ADGRL2: variants seen among roughly 807,000 people sequenced by gnomAD.
ADGRL2 encodes the protein calcium-independent alpha-latrotoxin receptor 2.
In ADGRL2, 44 loss-of-function variants were observed where a neutral mutation model predicts 157.4. The ratio of observed to expected loss-of-function variants is 0.28; its 90% confidence interval spans 0.22 to 0.36. ADGRL2 has a LOEUF of 0.36. Ranked by LOEUF, ADGRL2 falls within the 10% of genes least tolerant of loss-of-function variation. The pLI is 1.00. For missense variants in ADGRL2, 1,510 were observed against 1,768.9 expected, an observed-to-expected ratio of 0.85 and a Z score of 2.63; for synonymous variants, 585 against 624.7, an observed-to-expected ratio of 0.94 and a Z score of 0.95.
rs1664873652 is a variant in ADGRL2 at position 81,993,081 on chromosome 1, ATATATATTTTTTT to A, written c.*1938_*1950del. ...TACATATATATATATATATATATATATATATATTTTTTTTTTTTTTTTTTTTTTTTTTTTTTTT... is the reference window on the plus strand; with the variant it reads ...TACATATATATATATATATATATATATTTTTTTTTTTTTTTTTTTTTTTTT... On this transcript the variant is annotated 3_prime_UTR_variant, in exon 24 of 24. Coordinates refer to ENST00000686636, the MANE Select transcript of ADGRL2 (RefSeq NM_001366006.2). 3.4e-5 allele frequency among the ~76,000 whole-genome samples: 1 copy of A among 29,152 alleles called. No homozygotes were observed. Among genetic ancestry groups the A allele is most frequent in the Non-Finnish European group, 5.7e-5 (1 of 17,572 alleles). The allele number at this position is 29,152 out of a possible 152,430, so 19.1% of individuals were successfully genotyped here. A position where few individuals can be genotyped will look rare whatever the true frequency, so the allele number is the denominator to read the frequency against.
At chr1:81,907,315 A>G (rs972299747) in intron 3 of ADGRL2, 85 bp downstream of exon 3, 2 of 1,094,424 alleles carry the variant, frequency 1.8e-6, no homozygotes, top group African/African-American at 3.1e-5. Context: ...GCGAATGGAT[A>G]TAGACCACAT....
At chr1:81,730,692 C>T (rs2084691453) in intron 1 of ADGRL2, among the ~76,000 whole-genome samples, 1 of 151,526 alleles carries the variant, frequency 6.6e-6, no homozygotes, top group Non-Finnish European at 1.5e-5. Context: ...CACTGCACTC[C>T]AGCCTGGGCG....
intron 1 of ADGRL2, among the ~76,000 whole-genome samples, chr1:81,393,924 A>C (rs1438368991): frequency 6.6e-6 from 1 of 150,758 alleles, no homozygotes; most frequent in Non-Finnish European, 1.5e-5. Context: ...GAATTTACTG[A>C]TATTTGAAGG....
At chr1:81,850,167 T>C (rs545359224) in intron 2 of ADGRL2, among the ~76,000 whole-genome samples, 1 of 152,086 alleles carries the variant, frequency 6.6e-6, no homozygotes, top group African/African-American at 2.4e-5. Context: ...TTAGCCAGCA[T>C]CCATAGATCA....
intron 2 of ADGRL2, among the ~76,000 whole-genome samples, chr1:81,892,244 G>A (rs1390997046): frequency 2.0e-5 from 3 of 151,884 alleles, no homozygotes; most frequent in Non-Finnish European, 4.4e-5. Flanking sequence ...CTCCTTGTCC[G>A]GAATTACTTT....
chr1:81,839,869 C>A (rs2092472968), intron 2 of ADGRL2, among the ~76,000 whole-genome samples: 1 of 112,756 alleles, frequency 8.9e-6, no homozygotes, highest in Non-Finnish European at 1.9e-5. Context: ...ATATATTTTC[C>A]ATCATATATA....
intron 2 of ADGRL2, among the ~76,000 whole-genome samples, chr1:81,903,767 T>TAC (rs2094532429): frequency 6.8e-6 from 1 of 146,864 alleles, no homozygotes. Flanking sequence ...ACATTATATA[T>TAC]ACACATTATA....
chr1:81,986,889 T>C lies in ADGRL2; in HGVS notation c.3509-12T>C. The C allele has an allele frequency of 6.3e-7, 1 of 1,592,232 alleles. No homozygotes were observed. The highest frequency in any genetic ancestry group is 1.4e-5 in the African/African-American group (1 of 73,226). On this transcript the variant is annotated splice_polypyrimidine_tract_variant and intron_variant, in intron 21 of 23. Transcript: ENST00000686636. ...TTCTCTGTTTTTTTGTTGTTTTTTT[T>C]TTTTACTTTAGGAATGACTGGCAAT... is the stretch of plus-strand genomic sequence containing the variant.
intron 2 of ADGRL2, among the ~76,000 whole-genome samples, chr1:81,876,259 AT>A (rs1048678648): frequency 6.6e-6 from 1 of 152,120 alleles, no homozygotes; most frequent in African/African-American, 2.4e-5. Flanking sequence ...TTTCTGAAAT[AT>A]TTTTTGAAGC....
intron 23 of ADGRL2, chr1:81,989,778 TGAGAGATG>T: frequency 6.4e-7 from 1 of 1,565,132 alleles, no homozygotes. Flanking sequence ...CCAGTCAGTA[TGAGAGATG>T]GCTGTCTTTG....
chr1:81,376,977 A>G (rs1244874582), intron 1 of ADGRL2, among the ~76,000 whole-genome samples: 5 of 152,180 alleles, frequency 3.3e-5, no homozygotes, highest in African/African-American at 7.2e-5. Context: ...ACTTGAGTCC[A>G]GGAGTTTTGA....
At chr1:81,439,483 G>A (rs770858155) in intron 1 of ADGRL2, among the ~76,000 whole-genome samples, 4 of 152,162 alleles carry the variant, frequency 2.6e-5, no homozygotes, top group Non-Finnish European at 5.9e-5. Context: ...CTCGCGGCAG[G>A]GTTACTCCCT....
At chr1:81,658,647 T>C (rs969785197) in intron 3 of ADGRL2, among the ~76,000 whole-genome samples, 2 of 152,196 alleles carry the variant, frequency 1.3e-5, no homozygotes, top group African/African-American at 2.4e-5. Flanking sequence ...AACTCCCTCT[T>C]ATAAGTGAGA....
chr1:81,362,056 A>G (rs1273322507), intron 1 of ADGRL2, among the ~76,000 whole-genome samples: 2 of 151,924 alleles, frequency 1.3e-5, no homozygotes, highest in African/African-American at 4.8e-5. Context: ...AATAGACACT[A>G]TTCCTATATT....
At chr1:81,856,139 G>A (rs1442417812) in intron 2 of ADGRL2, among the ~76,000 whole-genome samples, 2 of 152,102 alleles carry the variant, frequency 1.3e-5, no homozygotes, top group East Asian at 3.9e-4. Flanking sequence ...AGGTGCTTCT[G>A]GGACTCTGGT....
intron 2 of ADGRL2, among the ~76,000 whole-genome samples, chr1:81,511,403 C>CACAA (rs2079075143): frequency 7.1e-6 from 1 of 140,092 alleles, no homozygotes; most frequent in Admixed American, 7.1e-5. Flanking sequence ...AAAGCGCGCA[C>CACAA]ACACACACAC....
chr1:81,622,881 A>G (rs2081827720), intron 3 of ADGRL2, among the ~76,000 whole-genome samples: 1 of 152,194 alleles, frequency 6.6e-6, no homozygotes, highest in African/African-American at 2.4e-5. Context: ...TTCATTTTAC[A>G]TATATGATTT....
In ADGRL2 at chr1:81,873,878, T is replaced by C. The variant is rs144115280; in HGVS notation, c.74-33139T>C. Among the ~76,000 whole-genome samples, 1,159 of 152,216 alleles carry C rather than the reference T, an allele frequency of 7.6e-3. 20 individuals are homozygous for C. The highest frequency in any genetic ancestry group is 0.027 in the African/African-American group (1,116 of 41,542). Reference sequence around the variant, plus strand: ...GCATTAATAAAGTATTGAAATTTACTATTGACTCATATTCCTTCTGATGGT... The same window carrying C: ...GCATTAATAAAGTATTGAAATTTACCATTGACTCATATTCCTTCTGATGGT... On this transcript the variant is annotated intron_variant, in intron 2 of 23. Coordinates refer to ENST00000686636, the MANE Select transcript of ADGRL2 (RefSeq NM_001366006.2).
chr1:81,819,090 G>A (rs548560598), intron 1 of ADGRL2, among the ~76,000 whole-genome samples: 167 of 152,266 alleles, frequency 1.1e-3, no homozygotes, highest in African/African-American at 3.9e-3. Flanking sequence ...TTGAGAACAT[G>A]TTATACTTAT....
Sources: allele counts gnomAD v4.1 joint callset (sites outside exome capture counted in the v4.1 genomes callset), GRCh38; gene constraint gnomAD v4.1.1; transcripts MANE v1.5; gene names NCBI Gene and HGNC (gene_info 2026-07-23, HGNC 2026-07-21).